DUSP16: variants seen among roughly 807,000 people sequenced by gnomAD.
DUSP16 encodes the protein dual specificity phosphatase 16.
A neutral mutation model predicts 58.3 loss-of-function variants in DUSP16; 21 were observed. The ratio of observed to expected loss-of-function variants is 0.36; its 90% CI spans 0.26 to 0.52. The LOEUF is 0.52. Among genes scored for constraint, DUSP16 ranks in the 20% least tolerant of loss-of-function variants. The pLI, the probability that DUSP16 is intolerant of heterozygous loss-of-function variation, is 0.94. For synonymous variants in DUSP16, 320 were observed against 323.8 expected (o/e 0.99, Z 0.12); for missense variants, 726 against 819.0 (o/e 0.89, Z 1.39).
chr12:12,542,472 G>A (rs1190713299), intron 1 of DUSP16, among the ~76,000 whole-genome samples: 1 of 152,104 alleles, frequency 6.6e-6, no homozygotes, highest in African/African-American at 2.4e-5. Context: ...CCAGGGGCTG[G>A]GAGGAGTGGG....
At chr12:12,561,646 C>T (rs954901058) in intron 1 of DUSP16, among the ~76,000 whole-genome samples, 2 of 152,236 alleles carry the variant, frequency 1.3e-5, no homozygotes, top group Non-Finnish European at 2.9e-5. Flanking sequence ...CTGCTTACAC[C>T]AAAGGCGAAC....
intron 3 of DUSP16, among the ~76,000 whole-genome samples, chr12:12,510,683 G>A (rs1301239777): frequency 6.6e-6 from 1 of 152,184 alleles, no homozygotes; most frequent in Non-Finnish European, 1.5e-5. Flanking sequence ...ACAGTTTTAT[G>A]GGATAAACTT....
At chr12:12,548,069 A>C (rs543920716) in intron 1 of DUSP16, among the ~76,000 whole-genome samples, 1 of 152,122 alleles carries the variant, frequency 6.6e-6, no homozygotes, top group East Asian at 1.9e-4. Context: ...TACTCCACTC[A>C]CTCCATTTTT....
rs954826408 is a variant in DUSP16, at chr12:12,473,569, C to T, written c.*3264G>A. On this transcript the variant is annotated 3_prime_UTR_variant, in exon 7 of 7. Transcript: ENST00000298573. ...CCAAGATAGCTCTTCTAGTCTAGCT[C>T]ACCCGGCCCAATCTTTCTTATAAAT... is the stretch of plus-strand genomic sequence containing the variant. 6.6e-6 allele frequency among the ~76,000 whole-genome samples: 1 copy of T among 152,188 alleles called. No individual in the cohort carries two copies. Among genetic ancestry groups the T allele is most frequent in the African/African-American group, 2.4e-5 (1 of 41,454 alleles).
In DUSP16 at chr12:12,476,605, G is replaced by GA. The variant is rs1169890960; in HGVS notation, c.*227dup. The GA allele has an allele frequency of 6.3e-6, 3 of 474,274 alleles. No homozygotes were observed. Among genetic ancestry groups the GA allele is most frequent in the Non-Finnish European group, 1.1e-5 (3 of 272,276 alleles). The allele number at this position is 474,274 out of a possible 1,614,324, so 29.4% of individuals were successfully genotyped here. A position where few individuals can be genotyped will look rare whatever the true frequency, so the allele number is the denominator to read the frequency against. Reference sequence around the variant, plus strand: ...AAATGGTTTTCCTCCGTCTAGGGGGGATTCTAGCATCTGCCCTTCCATTTT... The same window carrying GA: ...AAATGGTTTTCCTCCGTCTAGGGGGGAATTCTAGCATCTGCCCTTCCATTTT... On this transcript the variant is annotated 3_prime_UTR_variant, in exon 7 of 7. Transcript: ENST00000298573.
intron 1 of DUSP16, among the ~76,000 whole-genome samples, chr12:12,536,156 T>C (rs1321539772): frequency 1.3e-5 from 2 of 152,306 alleles, no homozygotes; most frequent in Non-Finnish European, 2.9e-5. Flanking sequence ...CAGTCTAGAA[T>C]GGTAACTATA....
intron 1 of DUSP16, among the ~76,000 whole-genome samples, chr12:12,539,439 T>G (rs966801736): frequency 4.1e-4 from 63 of 152,322 alleles, no homozygotes; most frequent in African/African-American, 1.4e-3. Context: ...CCAATCTTTC[T>G]TCTTAAAAAT....
chr12:12,552,792 T>C (rs888806173), intron 1 of DUSP16, among the ~76,000 whole-genome samples: 3 of 152,176 alleles, frequency 2.0e-5, no homozygotes, highest in Non-Finnish European at 2.9e-5. Context: ...TTTTTCTTCT[T>C]TTTTTTGAGA....
intron 4 of DUSP16, among the ~76,000 whole-genome samples, chr12:12,496,536 T>G (rs1020117481): frequency 1.3e-5 from 2 of 152,228 alleles, no homozygotes; most frequent in Non-Finnish European, 2.9e-5. Context: ...AGAGCTCCTT[T>G]AGAAAAGAAG....
At chr12:12,527,667 G>T (rs1299839534) in intron 1 of DUSP16, among the ~76,000 whole-genome samples, 1 of 152,094 alleles carries the variant, frequency 6.6e-6, no homozygotes, top group East Asian at 1.9e-4. Flanking sequence ...CAAACTTAAT[G>T]TGCTTTTTAG....
chr12:12,519,285 T>C (rs2136231004), intron 3 of DUSP16, among the ~76,000 whole-genome samples: 1 of 152,284 alleles, frequency 6.6e-6, no homozygotes, highest in East Asian at 1.9e-4. Flanking sequence ...CGTTGAGACT[T>C]TTTTTTAATT....
In DUSP16 at chr12:12,476,749, C is replaced by A; in HGVS notation, c.*84G>T. On this transcript the variant is annotated 3_prime_UTR_variant, in exon 7 of 7. Transcript: ENST00000298573. ...TTTTCCAAAAATATATATGTATGTA[C>A]ATATATATATTTCAGATTTACAGGG... 7.7e-7 allele frequency: 1 copy of A among 1,298,690 alleles called. No individual in the cohort carries two copies. 80.4% of individuals were successfully genotyped at this position (1,298,690 alleles called of 1,614,324 possible). A position where few individuals can be genotyped will look rare whatever the true frequency, so the allele number is the denominator to read the frequency against.
chr12:12,515,507 T>C (rs1014292899), intron 3 of DUSP16, among the ~76,000 whole-genome samples: 7 of 151,978 alleles, frequency 4.6e-5, no homozygotes, highest in Non-Finnish European at 8.8e-5. Flanking sequence ...TTGTATTTTT[T>C]AGTAGAGACG....
chr12:12,550,267 C>T lies in DUSP16; in HGVS notation c.-366+11850G>A, dbSNP rs1346161177. ...CAGCCTGGGTGACAGAGTGAGACTC[C>T]GTCTCAAAAAAAAAAAAAAAAATGT... On this transcript the variant is annotated intron_variant, in intron 1 of 6. Transcript: ENST00000298573. Among the ~76,000 whole-genome samples the T allele has an allele frequency of 1.2e-4, 16 of 131,802 alleles. 1 individual carries two copies. Among genetic ancestry groups the T allele is most frequent in the Admixed American group, 4.7e-4 (6 of 12,848 alleles). The allele number at this position is 131,802 out of a possible 152,430, so 86.5% of individuals were successfully genotyped here. A position where few individuals can be genotyped will look rare whatever the true frequency, so the allele number is the denominator to read the frequency against.
rs917693483 is a variant in DUSP16, at chr12:12,502,892, G to C, written c.368-2210C>G. 4.6e-5 allele frequency among the ~76,000 whole-genome samples: 7 copies of C among 152,132 alleles called. No individual in the cohort carries two copies. The South Asian group carries it at 1.2e-3, about 27-fold the overall frequency. On this transcript the variant is annotated intron_variant, in intron 3 of 6. Coordinates refer to ENST00000298573, the MANE Select transcript of DUSP16 (RefSeq NM_030640.3). ...TTTCACATTTCCATGCCGTTCTCTTGTCCAAGAATACCACCCTCACACCGC... is the reference window on the plus strand; with the variant it reads ...TTTCACATTTCCATGCCGTTCTCTTCTCCAAGAATACCACCCTCACACCGC...
chr12:12,541,252 C>G (rs1410640332), intron 1 of DUSP16, among the ~76,000 whole-genome samples: 1 of 152,134 alleles, frequency 6.6e-6, no homozygotes, highest in Admixed American at 6.5e-5. Flanking sequence ...AGCCACCGCA[C>G]CTGGCCACTT....
intron 4 of DUSP16, 42 bp downstream of exon 4, chr12:12,500,474 TAAC>T (rs1565997132): frequency 6.5e-7 from 1 of 1,534,792 alleles, no homozygotes; most frequent in African/African-American, 1.4e-5. Context: ...TTTCTCCAGC[TAAC>T]AATATAAACC....
At chr12:12,509,762 A>G (rs757800389) in intron 3 of DUSP16, among the ~76,000 whole-genome samples, 17 of 152,140 alleles carry the variant, frequency 1.1e-4, no homozygotes, top group Non-Finnish European at 2.1e-4. Context: ...TCCTTGTTAC[A>G]ATGAATAGCT....
At chr12:12,494,700 G>A (rs1476983001) in intron 4 of DUSP16, among the ~76,000 whole-genome samples, 2 of 152,134 alleles carry the variant, frequency 1.3e-5, no homozygotes, top group Non-Finnish European at 2.9e-5. Context: ...CTCACTAGGT[G>A]AGTGTGTCCA....
Sources: gnomAD v4.1 joint callset for allele counts (sites outside exome capture counted in the v4.1 genomes callset) on GRCh38, gnomAD v4.1.1 for gene constraint, MANE v1.5 for transcripts, NCBI Gene and HGNC (gene_info 2026-07-23, HGNC 2026-07-21) for gene names.